Variants in DLGAP2 observed in about 807,000 individuals in gnomAD.
DLGAP2 encodes disks large-associated protein 2.
Under a neutral mutation model 100.3 loss-of-function variants are expected in DLGAP2, and 26 were observed. The ratio of observed to expected loss-of-function variants is 0.26; its 90% confidence interval spans 0.19 to 0.36. The LOEUF (loss-of-function observed/expected upper bound fraction) is 0.36, where lower values mean the gene tolerates loss of function less well. DLGAP2 is among the 10% of genes least tolerant of loss of function. The pLI is 1.00. For missense variants in DLGAP2, 1,858 were observed against 1,453.2 expected, an observed-to-expected ratio of 1.28 and a Z score of -4.53; for synonymous variants, 886 against 630.1, an observed-to-expected ratio of 1.41 and a Z score of -6.08.
intron 6 of DLGAP2, among the ~76,000 whole-genome samples, chr8:1,599,349 G>C (rs1796553895): frequency 6.6e-6 from 1 of 152,164 alleles, no homozygotes; most frequent in African/African-American, 2.4e-5. Context: ...GTTGATTTAG[G>C]GTGGAGAGTT....
At chr8:804,797 A>C (rs1796236726) in intron 1 of DLGAP2, among the ~76,000 whole-genome samples, 1 of 152,078 alleles carries the variant, frequency 6.6e-6, no homozygotes, top group Non-Finnish European at 1.5e-5. Context: ...ACAGAGTCTC[A>C]CTTTGTCACC....
chr8:752,944 A>G (rs1038674303), intron 1 of DLGAP2, among the ~76,000 whole-genome samples: 5 of 152,170 alleles, frequency 3.3e-5, no homozygotes, highest in Non-Finnish European at 7.3e-5. Context: ...CTCGGTTCCC[A>G]ATTATTATCA....
At chr8:948,593 C>T (rs1799393037) in intron 2 of DLGAP2, among the ~76,000 whole-genome samples, 1 of 152,232 alleles carries the variant, frequency 6.6e-6, no homozygotes, top group Admixed American at 6.5e-5. Flanking sequence ...TAAGCGGTGA[C>T]AGTGGGTTCC....
intron 3 of DLGAP2, among the ~76,000 whole-genome samples, chr8:1,423,973 A>G (rs1563138224): frequency 6.6e-6 from 1 of 152,374 alleles, no homozygotes; most frequent in East Asian, 1.9e-4. Flanking sequence ...ATCAACTCAC[A>G]TGACTGGAAT....
chr8:1,128,342 G>A (rs1408833156), intron 2 of DLGAP2, among the ~76,000 whole-genome samples: 1 of 151,910 alleles, frequency 6.6e-6, no homozygotes, highest in Non-Finnish European at 1.5e-5. Flanking sequence ...CCGGTGTTGT[G>A]TTCCGTGAGG....
intron 1 of DLGAP2, among the ~76,000 whole-genome samples, chr8:884,871 C>A (rs1797891197): frequency 6.6e-6 from 1 of 152,174 alleles, no homozygotes; most frequent in Admixed American, 6.5e-5. Flanking sequence ...TTCCCACCAC[C>A]ATTTTACTGA....
At chr8:771,470 A>C (rs979825439) in intron 1 of DLGAP2, among the ~76,000 whole-genome samples, 3 of 152,254 alleles carry the variant, frequency 2.0e-5, no homozygotes, top group Non-Finnish European at 2.9e-5. Context: ...GGCCTGCACT[A>C]GCCGGGTCTA....
At chr8:850,511 G>C (rs1797165565) in intron 1 of DLGAP2, among the ~76,000 whole-genome samples, 1 of 152,126 alleles carries the variant, frequency 6.6e-6, no homozygotes. Context: ...TTGGAATAGG[G>C]AAACACTTCT....
rs533544688 is a variant in DLGAP2, at chr8:1,150,250, C to T, written c.74-108601C>T. Among the ~76,000 whole-genome samples, 16 of 152,324 alleles carry T rather than the reference C, an allele frequency of 1.1e-4. No individual in the cohort carries two copies. The South Asian group carries it at 3.1e-3, about 30-fold the overall frequency. On this transcript the variant is annotated intron_variant, in intron 2 of 14. Transcript: ENST00000637795. ...AAAAGATGTTTTCTCAGCTCTAGAA[C>T]TGTAAGTTGGCAGTTATCTGTTTCA...
intron 3 of DLGAP2, among the ~76,000 whole-genome samples, chr8:1,467,594 G>A (rs78196534): frequency 0.019 from 2,958 of 152,288 alleles, 86 homozygotes; most frequent in African/African-American, 0.062. Flanking sequence ...ACAGAGGGAG[G>A]GTTTCAGGGA....
At chr8:1,109,082 CACGGGTCTGTGAGG>C (rs1804872465) in intron 2 of DLGAP2, among the ~76,000 whole-genome samples, 1 of 106,056 alleles carries the variant, frequency 9.4e-6, no homozygotes, top group Non-Finnish European at 2.0e-5. Context: ...GTGAGGTGTG[CACGGGTCTGTGAGG>C]TGTGCACGGG....
At chr8:1,359,726 C>T (rs1020156366) in intron 3 of DLGAP2, among the ~76,000 whole-genome samples, 2 of 152,344 alleles carry the variant, frequency 1.3e-5, no homozygotes, top group South Asian at 2.1e-4. Context: ...CCGCGCGTTC[C>T]CTGCGCAGCG....
At chr8:1,588,903 C>G (rs1796209064) in intron 6 of DLGAP2, among the ~76,000 whole-genome samples, 2 of 152,150 alleles carry the variant, frequency 1.3e-5, no homozygotes, top group Admixed American at 1.3e-4. Flanking sequence ...ACCTGGGCGA[C>G]AGAGTGTGAC....
intron 2 of DLGAP2, among the ~76,000 whole-genome samples, chr8:1,245,936 C>A (rs1428621994): frequency 6.6e-6 from 1 of 152,096 alleles, no homozygotes; most frequent in Non-Finnish European, 1.5e-5. Flanking sequence ...AGAGGCGCCT[C>A]CTGTGCCTGA....
chr8:1,009,278 C>A (rs562781735), intron 2 of DLGAP2, among the ~76,000 whole-genome samples: 3 of 152,324 alleles, frequency 2.0e-5, no homozygotes, highest in African/African-American at 7.2e-5. Context: ...CAAGTCCCAG[C>A]AGAACAGACA....
At chr8:1,104,695 C>G (rs1287107146) in intron 2 of DLGAP2, among the ~76,000 whole-genome samples, 1 of 151,050 alleles carries the variant, frequency 6.6e-6, no homozygotes, top group Non-Finnish European at 1.5e-5. Flanking sequence ...GGCTGGTGGG[C>G]TGCACTGAGG....
chr8:1,301,108 G>A, intron 3 of DLGAP2: 1 of 152,518 alleles, frequency 6.6e-6, no homozygotes, highest in Non-Finnish European at 1.5e-5. Flanking sequence ...CATGGAAGAG[G>A]CCATGCCATT....
chr8:949,394 G>A (rs181748402), intron 2 of DLGAP2, among the ~76,000 whole-genome samples: 6 of 152,318 alleles, frequency 3.9e-5, no homozygotes, highest in Admixed American at 3.9e-4. Flanking sequence ...CCACGGATTG[G>A]CTGGGGCCGC....
intron 3 of DLGAP2, among the ~76,000 whole-genome samples, chr8:1,340,397 A>C (rs1369718486): frequency 1.3e-5 from 2 of 152,196 alleles, no homozygotes; most frequent in South Asian, 2.1e-4. Context: ...TAAGAAAAAA[A>C]CCATTAAAAA....
Sources: allele counts gnomAD v4.1 joint callset (sites outside exome capture counted in the v4.1 genomes callset), GRCh38; gene constraint gnomAD v4.1.1; transcripts MANE v1.5; gene names NCBI Gene and HGNC (gene_info 2026-07-23, HGNC 2026-07-21).